Variants in CDKAL1 observed in about 807,000 individuals in gnomAD.
The protein encoded by CDKAL1 is threonylcarbamoyladenosine tRNA methylthiotransferase.
A neutral mutation model predicts 68.2 loss-of-function variants in CDKAL1; 32 were observed. The observed-to-expected ratio is 0.47, with a 90% CI of 0.35 to 0.63. The LOEUF (loss-of-function observed/expected upper bound fraction) is 0.63, where lower values mean the gene tolerates loss of function less well. Ranked by LOEUF, CDKAL1 falls within the 30% of genes least tolerant of loss-of-function variation. CDKAL1 has a pLI of 0.00. For missense variants in CDKAL1, 606 were observed against 696.7 expected (o/e 0.87, Z 1.47); for synonymous variants, 234 against 244.3 (o/e 0.96, Z 0.39).
At chr6:20,647,804 A>G (rs1025793287) in intron 4 of CDKAL1, among the ~76,000 whole-genome samples, 2 of 152,060 alleles carry the variant, frequency 1.3e-5, no homozygotes, top group East Asian at 3.9e-4. Context: ...AAATTAGACT[A>G]TGGTCTGGGG....
At chr6:20,741,598 G>A (rs189267695) in intron 6 of CDKAL1, among the ~76,000 whole-genome samples, 14 of 152,180 alleles carry the variant, frequency 9.2e-5, no homozygotes, top group Admixed American at 4.6e-4. Flanking sequence ...AGTTTGTTAA[G>A]GATAATGGCC....
At chr6:20,942,527 C>A (rs1040950958) in intron 9 of CDKAL1, among the ~76,000 whole-genome samples, 1 of 150,966 alleles carries the variant, frequency 6.6e-6, no homozygotes, top group Non-Finnish European at 1.5e-5. Flanking sequence ...GCCATCATGC[C>A]CAGCTAATTT....
Position 20,725,728 on chromosome 6 carries a change from C to T in CDKAL1, c.372-13791C>T, listed in dbSNP as rs73379331. On this transcript the variant is annotated intron_variant, in intron 5 of 15. Coordinates refer to ENST00000274695, the MANE Select transcript of CDKAL1 (RefSeq NM_017774.3). ...GAATCTGGGAGACCGAGGTTGCGGT[C>T]AGCTGAGATCATGCCATTGTGCTGC... is the stretch of plus-strand genomic sequence containing the variant. Among the ~76,000 whole-genome samples the T allele has an allele frequency of 1.3e-3, 193 of 147,814 alleles. 2 individuals are homozygous for T. The highest frequency in any genetic ancestry group is 4.7e-3 in the African/African-American group (188 of 39,772).
chr6:20,649,378 G>A lies in CDKAL1; in HGVS notation c.371+1G>A. On this transcript the variant is annotated splice_donor_variant, in intron 5 of 15. Transcript: ENST00000274695. LOFTEE classifies it high-confidence loss of function. Reference sequence around the variant, plus strand: ...AAGACCACTTTAGAAACTCAATTAAGTAAGTAGAAATTGATTTTTTCCTAT... The same window carrying A: ...AAGACCACTTTAGAAACTCAATTAAATAAGTAGAAATTGATTTTTTCCTAT... 1 of 1,542,660 alleles carries A rather than the reference G, an allele frequency of 6.5e-7. No homozygotes were observed. Among genetic ancestry groups the A allele is most frequent in the Non-Finnish European group, 8.9e-7 (1 of 1,126,146 alleles).
intron 7 of CDKAL1, among the ~76,000 whole-genome samples, chr6:20,764,112 C>T (rs901624442): frequency 2.6e-5 from 4 of 152,074 alleles, no homozygotes; most frequent in Non-Finnish European, 5.9e-5. Context: ...GAATATAAAT[C>T]TGCATTTCTT....
intron 8 of CDKAL1, among the ~76,000 whole-genome samples, chr6:20,832,473 A>G (rs1477811573): frequency 7.1e-6 from 1 of 140,556 alleles, no homozygotes; most frequent in Non-Finnish European, 1.6e-5. Flanking sequence ...GTCTCTAATT[A>G]AAAAAAAAAA....
chr6:20,567,422 C>T (rs1764505981), intron 4 of CDKAL1, among the ~76,000 whole-genome samples: 1 of 152,054 alleles, frequency 6.6e-6, no homozygotes, highest in Non-Finnish European at 1.5e-5. Flanking sequence ...CTGAAATTAA[C>T]TGGCAACTTA....
At chr6:21,189,207 G>A (rs866113682) in intron 13 of CDKAL1, among the ~76,000 whole-genome samples, 3 of 152,124 alleles carry the variant, frequency 2.0e-5, no homozygotes, top group Admixed American at 6.6e-5. Flanking sequence ...GAACTGCCTC[G>A]GGCCTGGTCT....
intron 11 of CDKAL1, among the ~76,000 whole-genome samples, chr6:21,054,942 A>C (rs1158907623): frequency 6.6e-6 from 1 of 152,078 alleles, no homozygotes; most frequent in Non-Finnish European, 1.5e-5. Flanking sequence ...ATATGCCTTT[A>C]ATTTCCATTC....
At chr6:20,767,065 G>C (rs1359981067) in intron 7 of CDKAL1, among the ~76,000 whole-genome samples, 1 of 152,028 alleles carries the variant, frequency 6.6e-6, no homozygotes, top group Admixed American at 6.6e-5. Context: ...CAACTTTTAA[G>C]AGAATTGGCA....
intron 8 of CDKAL1, among the ~76,000 whole-genome samples, chr6:20,815,898 GT>G (rs946951479): frequency 1.3e-5 from 2 of 152,142 alleles, no homozygotes; most frequent in African/African-American, 2.4e-5. Context: ...AACCTGGGTG[GT>G]TTAAAATAAC....
intron 10 of CDKAL1, among the ~76,000 whole-genome samples, chr6:20,999,022 C>T (rs758611282): frequency 6.6e-6 from 1 of 152,098 alleles, no homozygotes; most frequent in Non-Finnish European, 1.5e-5. Flanking sequence ...GGTAACTGGA[C>T]GGAATTAGCT....
intron 13 of CDKAL1, among the ~76,000 whole-genome samples, chr6:21,136,202 T>A (rs1775586516): frequency 6.6e-6 from 1 of 152,232 alleles, no homozygotes; most frequent in Non-Finnish European, 1.5e-5. Context: ...ATACCTAGTG[T>A]CATAGCACAG....
intron 8 of CDKAL1, among the ~76,000 whole-genome samples, chr6:20,822,299 T>C (rs1439125380): frequency 6.6e-6 from 1 of 152,186 alleles, no homozygotes; most frequent in Non-Finnish European, 1.5e-5. Context: ...TGGTTATGAA[T>C]TAATATAGAC....
chr6:21,016,177 T>G (rs1768320877), intron 11 of CDKAL1, among the ~76,000 whole-genome samples: 1 of 151,802 alleles, frequency 6.6e-6, no homozygotes, highest in South Asian at 2.1e-4. Context: ...TAGACCTCAT[T>G]TAATTATTAC....
chr6:20,665,326 TA>T (rs1306594399), intron 5 of CDKAL1, among the ~76,000 whole-genome samples: 3 of 142,022 alleles, frequency 2.1e-5, no homozygotes, highest in African/African-American at 8.4e-5. Context: ...GTGATTAATA[TA>T]AGGAAAAAAA....
At chr6:21,088,384 C>T (rs1772817518) in intron 12 of CDKAL1, among the ~76,000 whole-genome samples, 1 of 152,254 alleles carries the variant, frequency 6.6e-6, no homozygotes, top group Non-Finnish European at 1.5e-5. Flanking sequence ...CCATAATCTA[C>T]AGATATGTAG....
chr6:21,131,159 A>T (rs1024529582), intron 13 of CDKAL1, among the ~76,000 whole-genome samples: 28 of 152,350 alleles, frequency 1.8e-4, no homozygotes, highest in African/African-American at 6.7e-4. Context: ...TTGCATAATA[A>T]GGCATAAAAG....
chr6:20,601,137 G>GA (rs757617678), intron 4 of CDKAL1, among the ~76,000 whole-genome samples: 12 of 152,174 alleles, frequency 7.9e-5, no homozygotes, highest in South Asian at 2.1e-4. Flanking sequence ...AGATTACTGA[G>GA]AAAATCAGTG....
Sources: allele counts gnomAD v4.1 joint callset (sites outside exome capture counted in the v4.1 genomes callset), GRCh38; gene constraint gnomAD v4.1.1; transcripts MANE v1.5; gene names NCBI Gene and HGNC (gene_info 2026-07-23, HGNC 2026-07-21).